FANCI: variants seen among roughly 807,000 people sequenced by gnomAD.
FANCI encodes the protein FA complementation group I, also known as Fanconi anemia group I protein.
In FANCI, 156 loss-of-function variants were observed where a neutral mutation model predicts 176.1. The observed-to-expected ratio is 0.89, with a 90% CI of 0.78 to 1.01. FANCI has a LOEUF of 1.01. Among genes scored for constraint, FANCI ranks in the 50% least tolerant of loss-of-function variants. The pLI, the probability that FANCI is intolerant of heterozygous loss-of-function variation, is 0.00. For synonymous variants in FANCI, 613 were observed against 541.7 expected (o/e 1.13, Z -1.83); for missense variants, 1,678 against 1,534.1 (o/e 1.09, Z -1.57).
chr15:89,269,612 A>G (rs2053120971), intron 10 of FANCI, among the ~76,000 whole-genome samples: 1 of 152,028 alleles, frequency 6.6e-6, no homozygotes, highest in South Asian at 2.1e-4. Flanking sequence ...TGATGTGTAC[A>G]TTTTCTTGCA....
At chr15:89,286,977 C>CTTTTTTTTCT (rs2053839679) in intron 18 of FANCI, among the ~76,000 whole-genome samples, 2 of 86,042 alleles carry the variant, frequency 2.3e-5, no homozygotes, top group Non-Finnish European at 2.1e-5. Context: ...TCACCTTGCA[C>CTTTTTTTTCT]TTTTTTTTTT....
chr15:89,259,042 T>C, intron 3 of FANCI: 1 of 431,624 alleles, frequency 2.3e-6, no homozygotes, highest in Non-Finnish European at 4.3e-6. Flanking sequence ...CTGCTTTGGT[T>C]TACTTGTGCT....
At position 89,258,672 on chromosome 15, in the gene FANCI, C is replaced by T. The variant is rs758210168; in HGVS notation, c.85-32C>T. 24 of 1,557,850 alleles carry T rather than the reference C, an allele frequency of 1.5e-5. No individual in the cohort carries two copies. In the East Asian group the frequency reaches 4.7e-4, roughly 31 times the overall value. On this transcript the variant is annotated intron_variant, in intron 2 of 37. Transcript: ENST00000310775. ...AGGTCATTGGGGTAAAAGACTGTTGCCAGAGACTTGTACCTTTTTCTTTCT... is the reference window on the plus strand; with the variant it reads ...AGGTCATTGGGGTAAAAGACTGTTGTCAGAGACTTGTACCTTTTTCTTTCT...
At chr15:89,288,303 C>T (rs1341271372) in intron 18 of FANCI, among the ~76,000 whole-genome samples, 1 of 152,118 alleles carries the variant, frequency 6.6e-6, no homozygotes, top group Non-Finnish European at 1.5e-5. Context: ...CATGTGTTAA[C>T]TCTTGTGCAG....
intron 34 of FANCI, among the ~76,000 whole-genome samples, chr15:89,309,016 T>TA (rs1298895457): frequency 6.6e-6 from 1 of 152,110 alleles, no homozygotes; most frequent in Non-Finnish European, 1.5e-5. Context: ...GAGTTCTTAG[T>TA]AATGGGCTGA....
At chr15:89,255,359 A>G (rs1189993241) in intron 2 of FANCI, among the ~76,000 whole-genome samples, 1 of 152,190 alleles carries the variant, frequency 6.6e-6, no homozygotes, top group African/African-American at 2.4e-5. Context: ...TAACCTGGTA[A>G]CAGTGGTTTC....
At chr15:89,265,807 C>A (rs990577490) in intron 9 of FANCI, among the ~76,000 whole-genome samples, 2 of 152,182 alleles carry the variant, frequency 1.3e-5, no homozygotes, top group African/African-American at 4.8e-5. Context: ...CAGGCGTGAG[C>A]CACCGTGCCT....
chr15:89,292,296 C>A (rs1318319845), intron 20 of FANCI, among the ~76,000 whole-genome samples: 1 of 152,236 alleles, frequency 6.6e-6, no homozygotes, highest in South Asian at 2.1e-4. Context: ...GAGATGTCCT[C>A]AGCCTAGATC....
At chr15:89,250,552 A>AGG (rs1567136176) in intron 2 of FANCI, among the ~76,000 whole-genome samples, 3 of 126,928 alleles carry the variant, frequency 2.4e-5, no homozygotes, top group Non-Finnish European at 3.3e-5. Flanking sequence ...TTGTGGAGTG[A>AGG]GGGGAGGGGG....
intron 10 of FANCI, among the ~76,000 whole-genome samples, chr15:89,273,115 C>T (rs1039730410): frequency 2.0e-5 from 3 of 151,766 alleles, no homozygotes; most frequent in Admixed American, 2.0e-4. Flanking sequence ...TCCTGGGCAA[C>T]ATAGTGAGAC....
chr15:89,261,120 A>T (rs1056204957), intron 4 of FANCI, among the ~76,000 whole-genome samples: 8 of 152,084 alleles, frequency 5.3e-5, no homozygotes, highest in Non-Finnish European at 1.0e-4. Flanking sequence ...AAAAGAAAAA[A>T]AATTAGCCGG....
chr15:89,304,535 C>T (rs923076599), intron 28 of FANCI, among the ~76,000 whole-genome samples: 7 of 152,340 alleles, frequency 4.6e-5, no homozygotes, highest in African/African-American at 1.7e-4. Context: ...CCCTAGAATA[C>T]TCGTAATGTA....
chr15:89,304,048 A>T, intron 28 of FANCI, 133 bp downstream of exon 28: 1 of 810,538 alleles, frequency 1.2e-6, no homozygotes, highest in Non-Finnish European at 2.1e-6. Flanking sequence ...GACACCTAAT[A>T]CCAAGTCGAA....
chr15:89,305,982 A>G lies in FANCI; in HGVS notation c.3350-25A>G, dbSNP rs768647729. Reference sequence around the variant, plus strand: ...AATTAGAAAACGAAGTTGGGTTTGAATGTGCCAATTTTATTTCCCTTTAGA... The same window carrying G: ...AATTAGAAAACGAAGTTGGGTTTGAGTGTGCCAATTTTATTTCCCTTTAGA... On this transcript the variant is annotated intron_variant, in intron 31 of 37. Coordinates refer to ENST00000310775, the MANE Select transcript of FANCI (RefSeq NM_001113378.2). The G allele has an allele frequency of 3.1e-6, 5 of 1,613,528 alleles. No individual in the cohort carries two copies. The Admixed American group carries it at 5.0e-5, about 16-fold the overall frequency.
chr15:89,281,295 G>A lies in FANCI; in HGVS notation c.1507G>A (p.Val503Met), dbSNP rs1409882755. The A allele has an allele frequency of 1.9e-6, 3 of 1,613,576 alleles. No individual in the cohort carries two copies. Among genetic ancestry groups the A allele is most frequent in the East Asian group, 2.2e-5 (1 of 44,810 alleles). Residue 503 changes from valine to methionine, a missense_variant, in exon 15 of 38, where the codon GTG (valine) becomes ATG (methionine). Transcript: ENST00000310775. ...LQTVQRLLKA[V>M]QPLLKVSMSM... ...GACTGTACAAAGGCTGCTTAAGGCA[G>A]TGCAGGTAAGTCTTCAGATTCCCAA...
intron 34 of FANCI, chr15:89,307,961 G>C: frequency 7.7e-7 from 1 of 1,296,458 alleles, no homozygotes; most frequent in Non-Finnish European, 9.9e-7. Context: ...TTATTCCTGG[G>C]TGACTGAAAG....
At chr15:89,259,016 G>A in intron 3 of FANCI, 3 of 480,708 alleles carry the variant, frequency 6.2e-6, no homozygotes, top group Admixed American at 3.3e-5. Flanking sequence ...ATTACAGAAT[G>A]TGCTTTTCGT....
rs552839335 is a variant in FANCI at position 89,258,884 on chromosome 15, G to A, written c.157+108G>A. 3.3e-5 allele frequency: 28 copies of A among 854,472 alleles called. 1 individual carries two copies. The South Asian group carries it at 3.5e-4, about 11-fold the overall frequency. 52.9% of individuals were successfully genotyped at this position (854,472 alleles called of 1,614,324 possible). ...GAAGCCCCACTGGAACATTTTCCAT[G>A]TTTTGAGGATTCTACAGAATCAACT... On this transcript the variant is annotated intron_variant, in intron 3 of 37. Coordinates refer to ENST00000310775, the MANE Select transcript of FANCI (RefSeq NM_001113378.2).
downstream of FANCI, chr15:89,317,201 ACAT>A (rs1243803819): frequency 2.3e-5 from 15 of 641,506 alleles, no homozygotes; most frequent in Middle Eastern, 4.2e-4. Flanking sequence ...CATTTCTGAA[ACAT>A]CATATCACAT....
Sources: allele counts gnomAD v4.1 joint callset (sites outside exome capture counted in the v4.1 genomes callset), GRCh38; gene constraint gnomAD v4.1.1; transcripts MANE v1.5; gene names NCBI Gene and HGNC (gene_info 2026-07-23, HGNC 2026-07-21).